The following ZFHX3 variants were observed in gnomAD, a reference collection of about 807,000 sequenced individuals.
The protein encoded by ZFHX3 is zinc finger homeobox protein 3.
In ZFHX3, 42 loss-of-function variants were observed where a neutral mutation model predicts 279.1. That is an observed-to-expected ratio of 0.15 (90% CI 0.12 to 0.19). The LOEUF is 0.19. Ranked by LOEUF, ZFHX3 falls within the 10% of genes least tolerant of loss-of-function variation. ZFHX3 has a pLI of 1.00. For synonymous variants in ZFHX3, 2,293 were observed against 1,957.8 expected, an observed-to-expected ratio of 1.17 and a Z score of -4.52; for missense variants, 4,981 against 4,754.0, an observed-to-expected ratio of 1.05 and a Z score of -1.40.
chr16:73,235,655 T>A (rs895790627), intron 5 of ZFHX3, among the ~76,000 whole-genome samples: 10 of 151,986 alleles, frequency 6.6e-5, no homozygotes, highest in Middle Eastern at 3.4e-3. Flanking sequence ...GAGATTGGTA[T>A]GTGTAAATAT....
At chr16:73,270,759 G>C (rs960523019) in intron 4 of ZFHX3, among the ~76,000 whole-genome samples, 6 of 152,152 alleles carry the variant, frequency 3.9e-5, no homozygotes, top group African/African-American at 1.2e-4. Flanking sequence ...CTGGACCAGA[G>C]GCGGATTTAC....
At position 73,678,527 on chromosome 16, in the gene ZFHX3, T is replaced by C. The variant is rs564307890; in HGVS notation, c.-1547+1653A>G. The stretch of plus-strand genomic sequence containing the variant: ...TGATATTGTTTTCATAAAAATACTA[T>C]TTTATAAAGGTCAAGTCTTCTAAAA... On this transcript the variant is annotated intron_variant, in intron 2 of 17. Transcript: ENST00000641206. 2.0e-5 allele frequency among the ~76,000 whole-genome samples: 3 copies of C among 152,324 alleles called. No homozygotes were observed. The South Asian group carries it at 6.2e-4, about 32-fold the overall frequency.
chr16:73,273,636 G>C (rs1288046118), intron 4 of ZFHX3, among the ~76,000 whole-genome samples: 1 of 152,044 alleles, frequency 6.6e-6, no homozygotes, highest in Non-Finnish European at 1.5e-5. Context: ...AGTTTTTTAA[G>C]ATCTAGCCCC....
intron 5 of ZFHX3, among the ~76,000 whole-genome samples, chr16:73,252,299 G>A (rs964850887): frequency 6.6e-6 from 1 of 152,210 alleles, no homozygotes; most frequent in Non-Finnish European, 1.5e-5. Flanking sequence ...GGCCAATGTA[G>A]AGGGGCCTAC....
At chr16:72,803,053 C>T (rs933291796) in intron 7 of ZFHX3, among the ~76,000 whole-genome samples, 1 of 152,166 alleles carries the variant, frequency 6.6e-6, no homozygotes, top group African/African-American at 2.4e-5. Context: ...AGCTGTCGGC[C>T]GGGTGCGGTG....
intron 1 of ZFHX3, among the ~76,000 whole-genome samples, chr16:73,868,206 C>A (rs1442739868): frequency 6.6e-6 from 1 of 152,216 alleles, no homozygotes; most frequent in Non-Finnish European, 1.5e-5. Context: ...TCTACAGTGT[C>A]CACATCACCC....
At chr16:73,417,396 CTTTTTTT>C (rs57283343) in intron 3 of ZFHX3, among the ~76,000 whole-genome samples, 4 of 118,772 alleles carry the variant, frequency 3.4e-5, no homozygotes, top group African/African-American at 9.9e-5. Context: ...TTTTTCTTTT[CTTTTTTT>C]TTTTTTTTTT....
intron 1 of ZFHX3, among the ~76,000 whole-genome samples, chr16:73,803,093 A>T (rs1960184925): frequency 6.6e-6 from 1 of 152,208 alleles, no homozygotes; most frequent in Non-Finnish European, 1.5e-5. Flanking sequence ...GAGCCACCGT[A>T]CCAGGACAGC....
intron 1 of ZFHX3, among the ~76,000 whole-genome samples, chr16:73,768,860 G>C (rs1213005923): frequency 6.6e-6 from 1 of 152,146 alleles, no homozygotes; most frequent in Non-Finnish European, 1.5e-5. Context: ...ACTCATACAA[G>C]CTAGGAAACT....
intron 5 of ZFHX3, among the ~76,000 whole-genome samples, chr16:73,210,345 C>A (rs1159590864): frequency 6.6e-6 from 1 of 152,076 alleles, no homozygotes; most frequent in African/African-American, 2.4e-5. Flanking sequence ...TCACTTCTCT[C>A]CCGAACATCT....
Position 72,947,984 on chromosome 16 carries a change from C to T in ZFHX3, c.3216+2485G>A, listed in dbSNP as rs568011880. Among the ~76,000 whole-genome samples the T allele has an allele frequency of 5.9e-5, 9 of 152,292 alleles. No individual in the cohort carries two copies. The East Asian group carries it at 7.7e-4, about 13-fold the overall frequency. On this transcript the variant is annotated intron_variant, in intron 3 of 9. Coordinates refer to ENST00000268489, the MANE Select transcript of ZFHX3 (RefSeq NM_006885.4). ...CCACCTCCAATCCCCACCCCAAATCCGTGGAATGACGAAACCTTGAGAGGG... is the reference window on the plus strand; with the variant it reads ...CCACCTCCAATCCCCACCCCAAATCTGTGGAATGACGAAACCTTGAGAGGG...
intron 3 of ZFHX3, among the ~76,000 whole-genome samples, chr16:72,946,805 T>C (rs757773255): frequency 4.6e-5 from 7 of 152,132 alleles, no homozygotes; most frequent in Admixed American, 2.0e-4. Flanking sequence ...GTGGAGAAGA[T>C]TGAGAGTGGG....
intron 2 of ZFHX3, among the ~76,000 whole-genome samples, chr16:73,559,701 G>T (rs1414164637): frequency 6.6e-6 from 1 of 152,184 alleles, no homozygotes; most frequent in Non-Finnish European, 1.5e-5. Context: ...AGACGACACG[G>T]CAGAACTTCT....
chr16:73,517,734 T>C (rs1163685238), intron 2 of ZFHX3, among the ~76,000 whole-genome samples: 1 of 152,162 alleles, frequency 6.6e-6, no homozygotes, highest in Non-Finnish European at 1.5e-5. Flanking sequence ...GGAGAGAATA[T>C]AAATTCCCAA....
intron 2 of ZFHX3, among the ~76,000 whole-genome samples, chr16:73,511,637 C>A (rs2019430306): frequency 6.6e-6 from 1 of 152,042 alleles, no homozygotes; most frequent in African/African-American, 2.4e-5. Flanking sequence ...GCTGTGAAAA[C>A]CAGGGGCTCT....
chr16:72,878,724 G>A (rs2038383805), intron 4 of ZFHX3, among the ~76,000 whole-genome samples: 3 of 152,214 alleles, frequency 2.0e-5, no homozygotes, highest in Admixed American at 2.0e-4. Flanking sequence ...TTGTCAGCCT[G>A]CAGCAAGGAG....
At chr16:73,286,039 CTGGA>C (rs1273781279) in intron 4 of ZFHX3, among the ~76,000 whole-genome samples, 2 of 152,204 alleles carry the variant, frequency 1.3e-5, no homozygotes, top group African/African-American at 2.4e-5. Flanking sequence ...CTCCGCCTGG[CTGGA>C]TCTGAGACAG....
chr16:73,706,403 C>T (rs1597074913), intron 1 of ZFHX3, among the ~76,000 whole-genome samples: 1 of 150,302 alleles, frequency 6.7e-6, no homozygotes, highest in South Asian at 2.1e-4. Flanking sequence ...TTGCAGCGAG[C>T]CTAGATCGCA....
Position 73,416,798 on chromosome 16 carries a change from C to T in ZFHX3, c.-1291+39205G>A, listed in dbSNP as rs531311804. Reference sequence around the variant, plus strand: ...CTGAAGCAGGAGAATGGCGTGAACTCGGGAGGCGGAGCCTGCAGTGAGCCG... The same window carrying T: ...CTGAAGCAGGAGAATGGCGTGAACTTGGGAGGCGGAGCCTGCAGTGAGCCG... On this transcript the variant is annotated intron_variant, in intron 3 of 17. Transcript: ENST00000641206. Among the ~76,000 whole-genome samples the T allele has an allele frequency of 9.9e-3, 1,460 of 146,952 alleles. 50 individuals are homozygous for T. Among genetic ancestry groups the T allele is most frequent in the African/African-American group, 0.034 (1,386 of 41,206 alleles).
Sources: allele counts gnomAD v4.1 joint callset (sites outside exome capture counted in the v4.1 genomes callset), GRCh38; gene constraint gnomAD v4.1.1; transcripts MANE v1.5; gene names NCBI Gene and HGNC (gene_info 2026-07-23, HGNC 2026-07-21).